VCAN: variants seen among roughly 807,000 people sequenced by gnomAD.
VCAN encodes the protein versican core protein.
In VCAN, 44 loss-of-function variants were observed where a neutral mutation model predicts 245.5. The observed-to-expected ratio is 0.18, with a 90% CI of 0.14 to 0.23. VCAN has a LOEUF of 0.23. Ranked by LOEUF, VCAN falls within the 10% of genes least tolerant of loss-of-function variation. The pLI is 1.00. For missense variants in VCAN, 3,793 were observed against 4,057.9 expected, an observed-to-expected ratio of 0.93 and a Z score of 1.77; for synonymous variants, 1,413 against 1,437.0, an observed-to-expected ratio of 0.98 and a Z score of 0.38.
Position 83,539,732 on chromosome 5 carries a change from A to G in VCAN, c.6729A>G (p.Thr2243=), listed in dbSNP as rs373513516. ...TKHFPKGMRP[T]IQESDTELLF... is the part of the protein sequence containing the mutation. The stretch of plus-strand genomic sequence containing the variant: ...ATTTTCCGAAAGGCATGAGACCAAC[A>G]ATTCAAGAGTCAGATACTGAGCTCT... Residue 2243 remains threonine, a synonymous_variant, in exon 8 of 15, where the codon ACA becomes ACG. Coordinates refer to ENST00000265077, the MANE Select transcript of VCAN (RefSeq NM_004385.5). 1 of 1,613,830 alleles carries G rather than the reference A, an allele frequency of 6.2e-7. No individual in the cohort carries two copies. The highest frequency in any genetic ancestry group is 8.5e-7 in the Non-Finnish European group (1 of 1,179,992).
rs749765974 is a variant in VCAN, at chr5:83,540,644, G to T, written c.7641G>T (p.Leu2547=). 1.2e-6 allele frequency: 2 copies of T among 1,613,760 alleles called. No homozygotes were observed. The highest frequency in any genetic ancestry group is 8.5e-7 in the Non-Finnish European group (1 of 1,179,944). ...KKPTENIIID[L]DKEDKDLILT... ...CCACTGAAAATATTATCATAGACCTGGACAAAGAGGACAAGGATTTAATAT... is the reference window on the plus strand; with the variant it reads ...CCACTGAAAATATTATCATAGACCTTGACAAAGAGGACAAGGATTTAATAT... The change falls in exon 8 of 15, where the codon CTG becomes CTT. Residue 2547 remains leucine, a synonymous_variant. Coordinates refer to ENST00000265077, the MANE Select transcript of VCAN (RefSeq NM_004385.5).
intron 3 of VCAN, 126 bp downstream of exon 3, chr5:83,490,598 A>G (rs1266850050): frequency 7.2e-7 from 1 of 1,391,836 alleles, no homozygotes; most frequent in African/African-American, 1.4e-5. Context: ...CTGTCAATCC[A>G]GTAGTCCACG....
chr5:83,565,958 GCTTTTTTTTTT>G lies in VCAN; in HGVS notation c.9736-6446_9736-6436del, dbSNP rs563624305. Among the ~76,000 whole-genome samples the G allele has an allele frequency of 2.2e-3, 333 of 151,496 alleles. 1 individual carries two copies. The highest frequency in any genetic ancestry group is 4.1e-3 in the Non-Finnish European group (276 of 67,816). On this transcript the variant is annotated intron_variant, in intron 12 of 14. Transcript: ENST00000265077. ...AAGTCTTATCTATTTCTGAAAAACT[GCTTTTTTTTTT>G]CTTTTTTTTTTGAGACGGTGTCTCA...
At chr5:83,477,104 C>T (rs113284314) in intron 1 of VCAN, among the ~76,000 whole-genome samples, 2 of 152,216 alleles carry the variant, frequency 1.3e-5, no homozygotes, top group African/African-American at 4.8e-5. Context: ...AAAGATATTA[C>T]TTTTGGACCT....
chr5:83,528,696 A>C (rs557570865), intron 7 of VCAN, among the ~76,000 whole-genome samples: 12 of 152,224 alleles, frequency 7.9e-5, no homozygotes, highest in African/African-American at 2.9e-4. Context: ...TACAAAGTTA[A>C]ATGGCATAAA....
chr5:83,527,399 G>A (rs554464074), intron 7 of VCAN, among the ~76,000 whole-genome samples: 1 of 152,290 alleles, frequency 6.6e-6, no homozygotes, highest in East Asian at 1.9e-4. Context: ...TGTCAGAGAA[G>A]CACATTTTTC....
chr5:83,548,974 G>A (rs916330457), intron 10 of VCAN, among the ~76,000 whole-genome samples: 6 of 152,194 alleles, frequency 3.9e-5, no homozygotes, highest in Non-Finnish European at 8.8e-5. Context: ...GTGGATGGAT[G>A]ATGGCTACAT....
At chr5:83,574,235 C>T (rs960251746) in intron 13 of VCAN, among the ~76,000 whole-genome samples, 5 of 152,120 alleles carry the variant, frequency 3.3e-5, no homozygotes, top group Non-Finnish European at 7.4e-5. Context: ...TCCACTCACG[C>T]TGACACATTA....
At position 83,510,288 on chromosome 5, in the gene VCAN, G is replaced by A. The variant is rs75861652; in HGVS notation, c.749-1815G>A. Among the ~76,000 whole-genome samples the A allele has an allele frequency of 3.6e-3, 555 of 152,290 alleles. 3 individuals are homozygous for A. The highest frequency in any genetic ancestry group is 0.013 in the African/African-American group (531 of 41,556). On this transcript the variant is annotated intron_variant, in intron 5 of 14. Coordinates refer to ENST00000265077, the MANE Select transcript of VCAN (RefSeq NM_004385.5). Reference sequence around the variant, plus strand: ...TTTTAGATATATAGTGAGAAAAGCCGATATGTGTGCTTTGGCCATTTTCCC... The same window carrying A: ...TTTTAGATATATAGTGAGAAAAGCCAATATGTGTGCTTTGGCCATTTTCCC...
intron 6 of VCAN, among the ~76,000 whole-genome samples, chr5:83,513,933 G>A (rs1261526899): frequency 6.6e-6 from 1 of 152,042 alleles, no homozygotes; most frequent in Non-Finnish European, 1.5e-5. Flanking sequence ...ATTTTCTTGT[G>A]CTTTATTAAT....
intron 5 of VCAN, among the ~76,000 whole-genome samples, chr5:83,504,344 A>G (rs1200314141): frequency 6.6e-6 from 1 of 151,814 alleles, no homozygotes; most frequent in Non-Finnish European, 1.5e-5. Context: ...CATATTTTAC[A>G]TGTACACTAA....
chr5:83,552,628 G>A lies in VCAN; in HGVS notation c.9494-736G>A, dbSNP rs904933943. Among the ~76,000 whole-genome samples, 4 of 151,736 alleles carry A rather than the reference G, an allele frequency of 2.6e-5. No homozygotes were observed. In the South Asian group the frequency reaches 8.3e-4, roughly 31 times the overall value. On this transcript the variant is annotated intron_variant, in intron 10 of 14. Transcript: ENST00000265077. ...CCCACTGGAATATCAGTTATAGTGTGCTTATTGTGAAACACACACACAGAC... is the reference window on the plus strand; with the variant it reads ...CCCACTGGAATATCAGTTATAGTGTACTTATTGTGAAACACACACACAGAC...
At chr5:83,478,040 T>C (rs1744462630) in intron 1 of VCAN, among the ~76,000 whole-genome samples, 1 of 151,796 alleles carries the variant, frequency 6.6e-6, no homozygotes, top group Non-Finnish European at 1.5e-5. Flanking sequence ...CCTTCCAGGT[T>C]CAAGCAATTC....
At chr5:83,579,072 G>A (rs1267077746) in intron 13 of VCAN, among the ~76,000 whole-genome samples, 1 of 151,966 alleles carries the variant, frequency 6.6e-6, no homozygotes, top group Non-Finnish European at 1.5e-5. Context: ...ATTCATTAAG[G>A]TATTTATGAA....
At chr5:83,477,552 C>A (rs1439840447) in intron 1 of VCAN, among the ~76,000 whole-genome samples, 2 of 151,858 alleles carry the variant, frequency 1.3e-5, no homozygotes, top group Non-Finnish European at 2.9e-5. Flanking sequence ...AAAAGAAAAT[C>A]ATGGGATTAA....
chr5:83,520,682 T>G lies in VCAN; in HGVS notation c.2376T>G (p.Thr792=). ...NITTVLLAHG[T]LSVEAATVSK... is the part of the protein sequence containing the mutation. ...CAACAGTGCTTTTGGCCCATGGTAC[T>G]TTAAGTGTTGAAGCAGCCACTGTAT... Residue 792 remains threonine (T), a synonymous_variant, in exon 7 of 15, where the codon ACT becomes ACG. Transcript: ENST00000265077. 6.2e-7 allele frequency: 1 copy of G among 1,614,138 alleles called. No individual in the cohort carries two copies. Among genetic ancestry groups the G allele is most frequent in the Non-Finnish European group, 8.5e-7 (1 of 1,180,014 alleles).
At chr5:83,492,024 A>C (rs1745000545) in intron 3 of VCAN, among the ~76,000 whole-genome samples, 1 of 147,830 alleles carries the variant, frequency 6.8e-6, no homozygotes, top group African/African-American at 2.5e-5. Flanking sequence ...TTGGCGTTTG[A>C]TTTTTTTTTT....
chr5:83,519,424 T>C lies in VCAN; in HGVS notation c.1118T>C (p.Met373Thr). 6.2e-7 allele frequency: 1 copy of C among 1,614,144 alleles called. No individual in the cohort carries two copies. Among genetic ancestry groups the C allele is most frequent in the Non-Finnish European group, 8.5e-7 (1 of 1,179,948 alleles). Residue 373 changes from methionine (M) to threonine (T), a missense_variant, in exon 7 of 15, where the codon ATG becomes ACG. Met to Thr is a moderately conservative substitution (Grantham distance 81). Coordinates refer to ENST00000265077, the MANE Select transcript of VCAN (RefSeq NM_004385.5). ...CCCAGTTTATCCAAAGAACCACAAA[T>C]GGTTTCTGATAGAACTACACCAATC... ...ASPSLSKEPQ[M>T]VSDRTTPIIP...
At chr5:83,519,238 G>A (rs899165053) in intron 6 of VCAN, 111 bp from the exon 7 acceptor site, 4 of 1,080,134 alleles carry the variant, frequency 3.7e-6, no homozygotes, top group African/African-American at 1.6e-5. Flanking sequence ...AACATTTCTG[G>A]GCCACCCAAA....
Sources: gnomAD v4.1 joint callset for allele counts (sites outside exome capture counted in the v4.1 genomes callset) on GRCh38, gnomAD v4.1.1 for gene constraint, MANE v1.5 for transcripts, NCBI Gene and HGNC (gene_info 2026-07-23, HGNC 2026-07-21) for gene names.